Variants in IPO11 observed in about 807,000 individuals in gnomAD.
The protein encoded by IPO11 is importin-11.
Under a neutral mutation model 143.2 loss-of-function variants are expected in IPO11, and 66 were observed. That is an observed-to-expected ratio of 0.46 (90% CI 0.38 to 0.57). IPO11 has a LOEUF of 0.57. Ranked by LOEUF, IPO11 falls within the 20% of genes least tolerant of loss-of-function variation. The probability of loss-of-function intolerance (pLI) is 0.00; values close to 1 mark genes in which losing one functional copy is unlikely to be tolerated. For missense variants in IPO11, 1,026 were observed against 1,141.0 expected, an observed-to-expected ratio of 0.90 and a Z score of 1.45; for synonymous variants, 385 against 377.8, an observed-to-expected ratio of 1.02 and a Z score of -0.22.
At chr5:62,517,268 A>C (rs1050514178) in intron 20 of IPO11, among the ~76,000 whole-genome samples, 1 of 152,166 alleles carries the variant, frequency 6.6e-6, no homozygotes, top group Non-Finnish European at 1.5e-5. Flanking sequence ...TGATTACCTT[A>C]TAAAGATTAT....
chr5:62,459,413 T>TA (rs1745280131), intron 5 of IPO11, among the ~76,000 whole-genome samples: 1 of 151,962 alleles, frequency 6.6e-6, no homozygotes, highest in Non-Finnish European at 1.5e-5. Context: ...AATAAATAAA[T>TA]ATTAGTTGAG....
rs1440095885 is a variant in IPO11, at chr5:62,551,307, A to G, written c.2431A>G (p.Asn811Asp). 6.2e-7 allele frequency: 1 copy of G among 1,601,446 alleles called. No individual in the cohort carries two copies. The highest frequency in any genetic ancestry group is 1.1e-5 in the South Asian group (1 of 90,650). The change falls in exon 26 of 30, where the codon AAT becomes GAT. Residue 811 changes from asparagine to aspartate, a missense_variant. Transcript: ENST00000325324. ...CACTAGTTTTTTTTCTTCACTACTT[A>G]ATGAGATGGCCCATAAATTTAATCA... is the stretch of plus-strand genomic sequence containing the variant. ...QNTSFFSSLL[N>D]EMAHKFNQEM...
At chr5:62,498,737 G>T (rs890065645) in intron 16 of IPO11, among the ~76,000 whole-genome samples, 1 of 152,146 alleles carries the variant, frequency 6.6e-6, no homozygotes, top group African/African-American at 2.4e-5. Flanking sequence ...GGGCATGGTG[G>T]CGGGCACCTG....
chr5:62,437,949 T>C (rs1434162564), intron 2 of IPO11, among the ~76,000 whole-genome samples: 1 of 152,248 alleles, frequency 6.6e-6, no homozygotes, highest in African/African-American at 2.4e-5. Context: ...TTCAAAGTTT[T>C]TGACTAATTA....
chr5:62,535,983 C>G (rs180877290), intron 22 of IPO11, among the ~76,000 whole-genome samples: 3 of 152,258 alleles, frequency 2.0e-5, no homozygotes, highest in Admixed American at 2.0e-4. Flanking sequence ...ACAGTGTCAA[C>G]TTTTGATCAT....
chr5:62,544,605 A>G (rs1318746363), intron 24 of IPO11, among the ~76,000 whole-genome samples: 4 of 152,198 alleles, frequency 2.6e-5, no homozygotes, highest in Non-Finnish European at 5.9e-5. Context: ...GGCCAGGGCA[A>G]TCAGGTAGGA....
At chr5:62,517,137 G>A (rs2112289049) in intron 20 of IPO11, among the ~76,000 whole-genome samples, 1 of 152,104 alleles carries the variant, frequency 6.6e-6, no homozygotes, top group East Asian at 2.0e-4. Flanking sequence ...GGCAGAACTT[G>A]CAGTAAGCCG....
chr5:62,455,377 G>T (rs1269306160), intron 5 of IPO11, among the ~76,000 whole-genome samples: 1 of 152,118 alleles, frequency 6.6e-6, no homozygotes, highest in East Asian at 1.9e-4. Context: ...AAAAAAATTA[G>T]CTGGGCATGG....
chr5:62,574,147 A>G (rs1561368918), intron 27 of IPO11, among the ~76,000 whole-genome samples: 1 of 152,208 alleles, frequency 6.6e-6, no homozygotes, highest in Non-Finnish European at 1.5e-5. Flanking sequence ...TCTATATTCA[A>G]TACAGTCTTC....
intron 16 of IPO11, among the ~76,000 whole-genome samples, chr5:62,499,667 C>T (rs1481580101): frequency 6.6e-6 from 1 of 150,906 alleles, no homozygotes; most frequent in African/African-American, 2.4e-5. Context: ...GCTCTGCCTC[C>T]TGTAACTTCT....
intron 27 of IPO11, among the ~76,000 whole-genome samples, chr5:62,571,668 T>C (rs920716743): frequency 5.9e-5 from 9 of 151,906 alleles, no homozygotes; most frequent in African/African-American, 2.2e-4. Flanking sequence ...AATATCCCTA[T>C]GGGGATGGAC....
At chr5:62,546,408 T>C (rs1743186839) in intron 24 of IPO11, among the ~76,000 whole-genome samples, 1 of 152,022 alleles carries the variant, frequency 6.6e-6, no homozygotes, top group Non-Finnish European at 1.5e-5. Context: ...TGAGAATACT[T>C]GGACACAAGA....
chr5:62,626,425 A>C (rs1259598363), intron 29 of IPO11, among the ~76,000 whole-genome samples: 1 of 152,142 alleles, frequency 6.6e-6, no homozygotes, highest in South Asian at 2.1e-4. Context: ...TTTAGATTTT[A>C]CCAGTTTTTC....
chr5:62,570,715 G>GAACA lies in IPO11; in HGVS notation c.2582+9459_2582+9462dup, dbSNP rs757960580. ...TTCTCAATGCTTTCCTCATATCTAG[G>GAACA]AACAGTGCCCTGTCTGCAAATTAGA... On this transcript the variant is annotated intron_variant, in intron 27 of 29. Transcript: ENST00000325324. Among the ~76,000 whole-genome samples the GAACA allele has an allele frequency of 3.4e-4, 51 of 152,166 alleles. 1 individual carries two copies. Among genetic ancestry groups the GAACA allele is most frequent in the Admixed American group, 1.4e-3 (22 of 15,276 alleles).
At chr5:62,568,866 CT>C (rs1372782251) in intron 27 of IPO11, among the ~76,000 whole-genome samples, 3 of 152,096 alleles carry the variant, frequency 2.0e-5, no homozygotes, top group Non-Finnish European at 2.9e-5. Flanking sequence ...ACAGCCTGGC[CT>C]TGTTTGTACC....
At chr5:62,565,791 C>A (rs760546568) in intron 27 of IPO11, among the ~76,000 whole-genome samples, 3 of 151,716 alleles carry the variant, frequency 2.0e-5, no homozygotes, top group Admixed American at 6.6e-5. Context: ...CCCCTACCCC[C>A]CCAACTGGCC....
chr5:62,618,407 A>G (rs1746220205), intron 29 of IPO11, among the ~76,000 whole-genome samples: 1 of 152,160 alleles, frequency 6.6e-6, no homozygotes, highest in South Asian at 2.1e-4. Flanking sequence ...AAAAGGAAAA[A>G]TACAGACATT....
At chr5:62,432,170 A>G (rs1424835949) in intron 1 of IPO11, among the ~76,000 whole-genome samples, 1 of 152,130 alleles carries the variant, frequency 6.6e-6, no homozygotes, top group Non-Finnish European at 1.5e-5. Context: ...CTGAGTGGCA[A>G]ACGGCCAAAC....
chr5:62,550,913 C>T (rs976583319), intron 25 of IPO11, among the ~76,000 whole-genome samples: 10 of 149,582 alleles, frequency 6.7e-5, no homozygotes, highest in African/African-American at 1.5e-4. Flanking sequence ...GCCGAGATTG[C>T]GCCGCTGCAC....
Sources: allele counts gnomAD v4.1 joint callset (sites outside exome capture counted in the v4.1 genomes callset), GRCh38; gene constraint gnomAD v4.1.1; transcripts MANE v1.5; gene names NCBI Gene and HGNC (gene_info 2026-07-23, HGNC 2026-07-21).